TTPA: variants seen among roughly 807,000 people sequenced by gnomAD.
The protein encoded by TTPA is alpha-tocopherol transfer protein.
Under a neutral mutation model 25.9 loss-of-function variants are expected in TTPA, and 23 were observed. The observed-to-expected ratio is 0.89, with a 90% confidence interval of 0.64 to 1.26. TTPA has a LOEUF of 1.26. Ranked by LOEUF, TTPA falls within the 50% of genes most tolerant of loss-of-function variation. TTPA has a pLI of 0.00. For synonymous variants in TTPA, 148 were observed against 137.3 expected (o/e 1.08, Z -0.54); for missense variants, 337 against 353.1 (o/e 0.95, Z 0.37).
chr8:63,067,905 T>C (rs908271891), intron 2 of TTPA, among the ~76,000 whole-genome samples: 19 of 152,332 alleles, frequency 1.2e-4, no homozygotes, highest in African/African-American at 3.6e-4. Context: ...CTTAAGATAA[T>C]GGCCTCCAGC....
intron 3 of TTPA, among the ~76,000 whole-genome samples, chr8:63,065,669 A>C (rs1805377797): frequency 6.6e-6 from 1 of 152,226 alleles, no homozygotes; most frequent in Non-Finnish European, 1.5e-5. Flanking sequence ...ATTAAGATGC[A>C]TAAATCCTCT....
chr8:63,084,112 C>T (rs7006822), intron 1 of TTPA, among the ~76,000 whole-genome samples: 31 of 152,112 alleles, frequency 2.0e-4, no homozygotes, highest in African/African-American at 7.2e-4. Context: ...TCGTGAGCTC[C>T]TGAGCTCAAT....
At chr8:63,071,495 A>G (rs939039070) in intron 2 of TTPA, among the ~76,000 whole-genome samples, 1 of 152,170 alleles carries the variant, frequency 6.6e-6, no homozygotes, top group African/African-American at 2.4e-5. Flanking sequence ...AAATTCTGGG[A>G]ATAGTGTGAG....
chr8:63,072,918 A>G lies in TTPA; in HGVS notation c.358+17T>C, dbSNP rs1241916571. The G allele has an allele frequency of 6.2e-7, 1 of 1,613,168 alleles. No homozygotes were observed. Among genetic ancestry groups the G allele is most frequent in the South Asian group, 1.1e-5 (1 of 90,754 alleles). On this transcript the variant is annotated intron_variant, in intron 2 of 4. Coordinates refer to ENST00000260116, the MANE Select transcript of TTPA (RefSeq NM_000370.3). ...CTGGAGGAGAGGAGAAAAAAAAAAG[A>G]GTTGTGTATGACTTACCGATTCTGT... is the stretch of plus-strand genomic sequence containing the variant.
chr8:63,085,319 G>C (rs1351248330), intron 1 of TTPA, among the ~76,000 whole-genome samples: 1 of 152,196 alleles, frequency 6.6e-6, no homozygotes, highest in Non-Finnish European at 1.5e-5. Context: ...TGACACTTAA[G>C]TGTTACTAGT....
chr8:63,083,872 GT>G (rs1554524977), intron 1 of TTPA, among the ~76,000 whole-genome samples: 52 of 150,256 alleles, frequency 3.5e-4, no homozygotes, highest in African/African-American at 1.0e-3. Context: ...GAGTTATAGA[GT>G]TTTTTTTCTT....
rs747563020 is a variant in TTPA, at chr8:63,073,001, C to A, written c.292G>T (p.Ala98Ser). ...HPRSIIGLLK[A>S]GYHGVLRSRD... ...GATCTCAGGACTCCATGGTAGCCAG[C>A]CTTTAGGAGGCCAATAATACTTCTA... Residue 98 changes from alanine (A) to serine (S), a missense_variant, in exon 2 of 5, where the codon GCT becomes TCT. Ala to Ser is a moderately conservative substitution (Grantham distance 99). Transcript: ENST00000260116. 1.2e-6 allele frequency: 2 copies of A among 1,614,022 alleles called. No individual in the cohort carries two copies. The highest frequency in any genetic ancestry group is 8.5e-7 in the Non-Finnish European group (1 of 1,179,976).
chr8:63,068,876 C>T (rs143692860), intron 2 of TTPA, among the ~76,000 whole-genome samples: 3,649 of 152,078 alleles, frequency 0.024, 62 homozygotes, highest in Middle Eastern at 0.071. Context: ...GATTTCTGGC[C>T]GGGCATGGTG....
Position 63,069,080 on chromosome 8 carries a change from G to A in TTPA, c.359-2983C>T, listed in dbSNP as rs548719089. ...TGAGGCAGGAGAATCGCTTGAACTC[G>A]GGAGGCAGAGGTTGTAGTGAGTCGA... On this transcript the variant is annotated intron_variant, in intron 2 of 4. Coordinates refer to ENST00000260116, the MANE Select transcript of TTPA (RefSeq NM_000370.3). 3.9e-5 allele frequency among the ~76,000 whole-genome samples: 6 copies of A among 152,050 alleles called. No homozygotes were observed. The South Asian group carries it at 1.2e-3, about 32-fold the overall frequency.
intron 1 of TTPA, among the ~76,000 whole-genome samples, chr8:63,076,819 T>C (rs1805569073): frequency 6.6e-6 from 1 of 152,214 alleles, no homozygotes; most frequent in South Asian, 2.1e-4. Flanking sequence ...TAAGTACATA[T>C]TAGTTTATTA....
Position 63,072,606 on chromosome 8 carries a change from T to C in TTPA, c.358+329A>G, listed in dbSNP as rs181727512. ...ACTTTTCCATGATTTTTTAAAATAT[T>C]CTCACACTATTCATCTTCACTATTT... On this transcript the variant is annotated intron_variant, in intron 2 of 4. Transcript: ENST00000260116. Among the ~76,000 whole-genome samples the C allele has an allele frequency of 1.8e-3, 269 of 152,322 alleles. 1 individual carries two copies. Among genetic ancestry groups the C allele is most frequent in the African/African-American group, 6.1e-3 (252 of 41,572 alleles).
At chr8:63,067,683 G>C (rs1805415882) in intron 2 of TTPA, among the ~76,000 whole-genome samples, 1 of 152,052 alleles carries the variant, frequency 6.6e-6, no homozygotes, top group Non-Finnish European at 1.5e-5. Flanking sequence ...GCATGATGCT[G>C]AGGTTTCAGG....
chr8:63,066,871 G>C (rs960768843), intron 2 of TTPA, among the ~76,000 whole-genome samples: 1 of 151,976 alleles, frequency 6.6e-6, no homozygotes, highest in African/African-American at 2.4e-5. Flanking sequence ...ATAGACAAAG[G>C]CATCAACTCG....
At chr8:63,061,504 AT>A (rs1298797471) in intron 4 of TTPA, 79 bp from the exon 5 acceptor site, 2 of 1,307,836 alleles carry the variant, frequency 1.5e-6, no homozygotes, top group African/African-American at 2.9e-5. Flanking sequence ...AAAACAAGGT[AT>A]TCTAATAACT....
Position 63,085,946 on chromosome 8 carries a change from G to A in TTPA, c.76C>T (p.Pro26Ser). The A allele has an allele frequency of 5.3e-6, 8 of 1,523,122 alleles. No individual in the cohort carries two copies. Among genetic ancestry groups the A allele is most frequent in the Non-Finnish European group, 7.0e-6 (8 of 1,143,094 alleles). 94.4% of individuals were successfully genotyped at this position (1,523,122 alleles called of 1,614,324 possible). The change falls in exon 1 of 5, where the codon CCG becomes TCG. Residue 26 changes from proline to serine, a missense_variant. Pro to Ser is a moderately conservative substitution (Grantham distance 74, BLOSUM62 -1). Transcript: ENST00000260116. ...CGGCGCCGCAGCGCCGCCAGGCCCG[G>A]CTGCAGCAACGGAGAGTGGTCCGGT... ...ALPDHSPLLQPGLAALRRRAR... is the reference protein window; with the variant it reads ...ALPDHSPLLQSGLAALRRRAR...
chr8:63,083,868 T>C (rs994400335), intron 1 of TTPA, among the ~76,000 whole-genome samples: 1 of 150,420 alleles, frequency 6.6e-6, no homozygotes, highest in Non-Finnish European at 1.5e-5. Flanking sequence ...TGATGAGTTA[T>C]AGAGTTTTTT....
intron 1 of TTPA, among the ~76,000 whole-genome samples, chr8:63,075,858 ATC>A (rs756269262): frequency 2.0e-5 from 3 of 152,152 alleles, no homozygotes; most frequent in Non-Finnish European, 4.4e-5. Flanking sequence ...AGCAGGGAGA[ATC>A]TATGGAATTT....
chr8:63,064,884 T>A (rs1805364579), intron 3 of TTPA, among the ~76,000 whole-genome samples: 1 of 152,202 alleles, frequency 6.6e-6, no homozygotes, highest in Admixed American at 6.5e-5. Flanking sequence ...TGTGAAGTTC[T>A]TTTATTTTTT....
chr8:63,059,338 CCAG>C (rs1379790099), downstream of TTPA, among the ~76,000 whole-genome samples: 1 of 152,066 alleles, frequency 6.6e-6, no homozygotes, highest in African/African-American at 2.4e-5. Context: ...GGCCCAGGGT[CCAG>C]TTTTTTAATA....
Sources: gnomAD v4.1 joint callset for allele counts (sites outside exome capture counted in the v4.1 genomes callset) on GRCh38, gnomAD v4.1.1 for gene constraint, MANE v1.5 for transcripts, NCBI Gene and HGNC (gene_info 2026-07-23, HGNC 2026-07-21) for gene names.